The following KAT6A variants were observed in gnomAD, a reference collection of about 807,000 sequenced individuals.
KAT6A encodes the protein histone acetyltransferase KAT6A.
In KAT6A, 9 loss-of-function variants were observed where a neutral mutation model predicts 198.4. The ratio of observed to expected loss-of-function variants is 0.05; its 90% CI spans 0.03 to 0.08. The LOEUF is 0.08. Among genes scored for constraint, KAT6A ranks in the 10% least tolerant of loss-of-function variants. The probability of loss-of-function intolerance (pLI) is 1.00; values close to 1 mark genes in which losing one functional copy is unlikely to be tolerated. For synonymous variants in KAT6A, 890 were observed against 883.0 expected (o/e 1.01, Z -0.14); for missense variants, 2,077 against 2,509.9 (o/e 0.83, Z 3.69).
chr8:41,958,593 C>T (rs1161879526), intron 8 of KAT6A, among the ~76,000 whole-genome samples: 10 of 152,130 alleles, frequency 6.6e-5, no homozygotes, highest in Non-Finnish European at 1.3e-4. Flanking sequence ...TAACCCAAAA[C>T]CCTTGGACTG....
intron 2 of KAT6A, among the ~76,000 whole-genome samples, chr8:42,027,486 G>GGT (rs1460740742): frequency 6.6e-6 from 1 of 151,950 alleles, no homozygotes; most frequent in Non-Finnish European, 1.5e-5. Context: ...CTCATTATTG[G>GGT]GTGTTCAGGT....
In KAT6A at chr8:41,930,061, T is replaced by C. The variant is rs1247708235; in HGVS notation, c.*2144A>G. 4.4e-6 allele frequency: 1 copy of C among 229,520 alleles called. No individual in the cohort carries two copies. The highest frequency in any genetic ancestry group is 8.6e-6 in the Non-Finnish European group (1 of 115,782). 14.2% of individuals were successfully genotyped at this position (229,520 alleles called of 1,614,324 possible). A position where few individuals can be genotyped will look rare whatever the true frequency, so the allele number is the denominator to read the frequency against. On this transcript the variant is annotated 3_prime_UTR_variant, in exon 17 of 17. Transcript: ENST00000265713. ...TTTATAATATAGAAAAGAACTTTTT[T>C]TTTCTACAATAGTTCTACAGTCACA... is the stretch of plus-strand genomic sequence containing the variant.
At chr8:42,007,271 T>C (rs963562522) in intron 2 of KAT6A, among the ~76,000 whole-genome samples, 1 of 152,184 alleles carries the variant, frequency 6.6e-6, no homozygotes, top group Admixed American at 6.5e-5. Context: ...ATAAAGTAGA[T>C]AGTCTGATGA....
chr8:41,966,782 C>A (rs1823512972), intron 8 of KAT6A, among the ~76,000 whole-genome samples: 1 of 152,150 alleles, frequency 6.6e-6, no homozygotes, highest in African/African-American at 2.4e-5. Flanking sequence ...GCACTTAGCA[C>A]ATGCCTAATG....
At chr8:41,991,593 C>G (rs1824948805) in intron 2 of KAT6A, among the ~76,000 whole-genome samples, 1 of 152,030 alleles carries the variant, frequency 6.6e-6, no homozygotes, top group African/African-American at 2.4e-5. Context: ...TGTGCATTTT[C>G]TGTATGTATA....
intron 1 of KAT6A, among the ~76,000 whole-genome samples, chr8:42,051,605 C>T (rs1350120955): frequency 1.4e-5 from 2 of 144,880 alleles, no homozygotes; most frequent in African/African-American, 2.5e-5. Flanking sequence ...GCCCGGCCGG[C>T]GGGATCGGGG....
chr8:41,932,699 G>A lies in KAT6A; in HGVS notation c.5521C>T (p.His1841Tyr). ...ATTTGCCCTTGCAATCTCTGCGTGT[G>A]AGGAATGCCAATGTTGGTGGCAGAC... ...NMSATNIGIP[H>Y]TQRLQGQMPV... The change falls in exon 17 of 17, where the codon CAC becomes TAC. Residue 1841 changes from histidine (H) to tyrosine (Y), a missense_variant. Around this residue, in one of 13 missense-constraint regions of KAT6A, gnomAD observed 500 missense variants for 577.2 expected, o/e 0.87. Transcript: ENST00000265713. 6.2e-7 allele frequency: 1 copy of A among 1,614,272 alleles called. No homozygotes were observed. The highest frequency in any genetic ancestry group is 8.5e-7 in the Non-Finnish European group (1 of 1,180,052).
intron 2 of KAT6A, among the ~76,000 whole-genome samples, chr8:42,033,152 C>T (rs934193841): frequency 3.3e-5 from 5 of 152,054 alleles, no homozygotes; most frequent in African/African-American, 4.8e-5. Context: ...GGATTACAGG[C>T]GTGAGCCACT....
intron 15 of KAT6A, among the ~76,000 whole-genome samples, chr8:41,938,766 C>T (rs1011507464): frequency 2.0e-5 from 3 of 151,824 alleles, no homozygotes; most frequent in Admixed American, 6.6e-5. Context: ...AGCAACATAG[C>T]GAAACCCTGT....
intron 2 of KAT6A, among the ~76,000 whole-genome samples, chr8:42,020,975 T>TG (rs200336971): frequency 0.015 from 2,283 of 151,514 alleles, 24 homozygotes; most frequent in African/African-American, 0.029. Flanking sequence ...AACTTAACAA[T>TG]GGGGGGGGTA....
At chr8:41,949,400 A>G (rs369491883) in intron 9 of KAT6A, 37 bp from the exon 10 acceptor site, 10 of 1,422,978 alleles carry the variant, frequency 7.0e-6, no homozygotes, top group Non-Finnish European at 8.3e-6. Flanking sequence ...ACAGGGCTTT[A>G]TATTTTAGAG....
rs879281346 is a variant in KAT6A, at chr8:41,980,412, G to GT, written c.907+433dup. ...ATTTCATAAAGTATTTCATAAAAAG[G>GT]TTTTTTTTTTAAGTTTTGAATAAAC... On this transcript the variant is annotated intron_variant, in intron 5 of 16. Transcript: ENST00000265713. Among the ~76,000 whole-genome samples, 746 of 148,730 alleles carry GT rather than the reference G, an allele frequency of 5.0e-3. 4 individuals are homozygous for GT. The highest frequency in any genetic ancestry group is 7.0e-3 in the East Asian group (36 of 5,120).
At chr8:41,939,732 C>A (rs1822012127) in intron 15 of KAT6A, among the ~76,000 whole-genome samples, 1 of 152,154 alleles carries the variant, frequency 6.6e-6, no homozygotes, top group African/African-American at 2.4e-5. Flanking sequence ...TGAGAAACTA[C>A]CACAGCCAAG....
chr8:41,939,804 AG>A (rs1435940550), intron 15 of KAT6A, among the ~76,000 whole-genome samples: 1 of 152,212 alleles, frequency 6.6e-6, no homozygotes, highest in Non-Finnish European at 1.5e-5. Flanking sequence ...ATCCTGGAAC[AG>A]AAAAAGGACG....
At chr8:41,979,304 C>A (rs1824227634) in intron 5 of KAT6A, among the ~76,000 whole-genome samples, 1 of 152,086 alleles carries the variant, frequency 6.6e-6, no homozygotes, top group African/African-American at 2.4e-5. Flanking sequence ...GCTATATAAT[C>A]TCTTTTGTAG....
chr8:41,939,852 C>T (rs1340396899), intron 15 of KAT6A, among the ~76,000 whole-genome samples: 3 of 152,046 alleles, frequency 2.0e-5, no homozygotes, highest in Non-Finnish European at 2.9e-5. Context: ...AAAGTATGAA[C>T]TCTAGTTACT....
At chr8:42,015,492 C>A (rs1438779288) in intron 2 of KAT6A, among the ~76,000 whole-genome samples, 1 of 152,208 alleles carries the variant, frequency 6.6e-6, no homozygotes, top group East Asian at 1.9e-4. Flanking sequence ...ATGTAAGAGA[C>A]ACTGAACACT....
intron 7 of KAT6A, 143 bp downstream of exon 7, chr8:41,976,865 T>C (rs1463444869): frequency 2.9e-6 from 2 of 697,434 alleles, no homozygotes; most frequent in South Asian, 2.7e-5. Flanking sequence ...CTCAGTATCA[T>C]CTACATGTTT....
intron 2 of KAT6A, among the ~76,000 whole-genome samples, chr8:42,006,467 G>C (rs1031666833): frequency 6.6e-6 from 1 of 152,224 alleles, no homozygotes; most frequent in Non-Finnish European, 1.5e-5. Flanking sequence ...CTTGGGACAA[G>C]AAGTGTTTCA....
Sources: allele counts gnomAD v4.1 joint callset (sites outside exome capture counted in the v4.1 genomes callset), GRCh38; gene constraint gnomAD v4.1.1; regional missense constraint gnomAD v4.1.1; transcripts MANE v1.5; gene names NCBI Gene and HGNC (gene_info 2026-07-23, HGNC 2026-07-21).